Variants in ATP13A5 observed in about 807,000 individuals in gnomAD.
ATP13A5 encodes probable cation-transporting ATPase 13A5.
A neutral mutation model predicts 150.2 loss-of-function variants in ATP13A5; 149 were observed. The ratio of observed to expected loss-of-function variants is 0.99; its 90% CI spans 0.87 to 1.14. The LOEUF is 1.14. Ranked by LOEUF, ATP13A5 falls within the 50% of genes most tolerant of loss-of-function variation. The probability of loss-of-function intolerance (pLI) is 0.00; values close to 1 mark genes in which losing one functional copy is unlikely to be tolerated. For synonymous variants in ATP13A5, 497 were observed against 522.2 expected, an observed-to-expected ratio of 0.95 and a Z score of 0.66; for missense variants, 1,383 against 1,449.3, an observed-to-expected ratio of 0.95 and a Z score of 0.74.
In ATP13A5 at chr3:193,290,699, T is replaced by C. The variant is rs77169081; in HGVS notation, c.2849-640A>G. Among the ~76,000 whole-genome samples, 1,279 of 152,262 alleles carry C rather than the reference T, an allele frequency of 8.4e-3. 40 individuals are homozygous for C. Among genetic ancestry groups the C allele is most frequent in the Admixed American group, 0.049 (748 of 15,274 alleles). ...GCTTCTAGATGAGAGTGTTAAACTATATTGTATTTTTGATTTCAGGGCTTT... is the reference window on the plus strand; with the variant it reads ...GCTTCTAGATGAGAGTGTTAAACTACATTGTATTTTTGATTTCAGGGCTTT... On this transcript the variant is annotated intron_variant, in intron 25 of 29. Coordinates refer to ENST00000342358, the MANE Select transcript of ATP13A5 (RefSeq NM_198505.4).
intron 17 of ATP13A5, among the ~76,000 whole-genome samples, chr3:193,315,316 T>C (rs1023777098): frequency 6.6e-6 from 1 of 152,186 alleles, no homozygotes; most frequent in Non-Finnish European, 1.5e-5. Context: ...ATCTGTTTTT[T>C]CCAGTTTCCA....
At chr3:193,344,399 T>C (rs1712247084) in intron 8 of ATP13A5, among the ~76,000 whole-genome samples, 1 of 152,198 alleles carries the variant, frequency 6.6e-6, no homozygotes, top group African/African-American at 2.4e-5. Flanking sequence ...TGGTACACTT[T>C]GTCTTCTTGG....
At chr3:193,325,771 C>T (rs1719446216) in intron 13 of ATP13A5, among the ~76,000 whole-genome samples, 2 of 152,198 alleles carry the variant, frequency 1.3e-5, no homozygotes, top group Admixed American at 1.3e-4. Context: ...TTTGATAATA[C>T]AAACTGGTAT....
intron 5 of ATP13A5, among the ~76,000 whole-genome samples, chr3:193,356,172 T>C (rs1712780898): frequency 6.6e-6 from 1 of 152,170 alleles, no homozygotes; most frequent in Non-Finnish European, 1.5e-5. Flanking sequence ...CTACCCTGAC[T>C]CTTAATTCAG....
At chr3:193,308,102 T>C (rs764297734) in intron 21 of ATP13A5, among the ~76,000 whole-genome samples, 18 of 152,216 alleles carry the variant, frequency 1.2e-4, no homozygotes, top group Non-Finnish European at 2.1e-4. Flanking sequence ...AATAAAGTTT[T>C]GTTAGCGTTT....
At chr3:193,336,883 T>G (rs1296689406) in intron 9 of ATP13A5, among the ~76,000 whole-genome samples, 3 of 152,178 alleles carry the variant, frequency 2.0e-5, no homozygotes. Flanking sequence ...TTTCTCCACA[T>G]CCTCTCCAGC....
At chr3:193,350,001 A>C (rs1712503045) in intron 7 of ATP13A5, among the ~76,000 whole-genome samples, 1 of 152,090 alleles carries the variant, frequency 6.6e-6, no homozygotes, top group Non-Finnish European at 1.5e-5. Context: ...AGGGGAAATT[A>C]CTTTCAACAA....
At chr3:193,319,382 T>C (rs1485993516) in intron 16 of ATP13A5, among the ~76,000 whole-genome samples, 1 of 152,204 alleles carries the variant, frequency 6.6e-6, no homozygotes, top group Non-Finnish European at 1.5e-5. Context: ...TAATCTCTAA[T>C]GCAATAGTAT....
At chr3:193,284,330 TG>T (rs1182360798) in intron 27 of ATP13A5, among the ~76,000 whole-genome samples, 1 of 152,132 alleles carries the variant, frequency 6.6e-6, no homozygotes, top group Admixed American at 6.5e-5. Context: ...CAGCCTTAGC[TG>T]GGAGGACCTT....
In ATP13A5 at chr3:193,344,007, A is replaced by G. The variant is rs1342564249; in HGVS notation, c.863T>C (p.Ile288Thr). The change falls in exon 9 of 30, where the codon ATT (isoleucine) becomes ACT (threonine). Residue 288 changes from isoleucine (I) to threonine (T), a missense_variant. This residue lies in a region of ATP13A5 where 787 missense variants were observed against 771.9 expected (regional missense o/e 1.02). Transcript: ENST00000342358. ...TGGCAATGAAAATTTTCCTGGAAGA[A>G]TAAGAATGTCTCCGGGAACCAAGAG... ...SRLLVPGDIL[I>T]LPGKFSLPCD... 1.9e-6 allele frequency: 3 copies of G among 1,613,362 alleles called. No homozygotes were observed. The highest frequency in any genetic ancestry group is 2.2e-5 in the East Asian group (1 of 44,842).
Position 193,354,133 on chromosome 3 carries a change from A to G in ATP13A5, c.600T>C (p.Val200=). 1 of 1,606,762 alleles carries G rather than the reference A, an allele frequency of 6.2e-7. No individual in the cohort carries two copies. Among genetic ancestry groups the G allele is most frequent in the Non-Finnish European group, 8.5e-7 (1 of 1,178,088 alleles). Residue 200 remains valine (V), a synonymous_variant, in exon 6 of 30, where the codon GTT becomes GTC. Coordinates refer to ENST00000342358, the MANE Select transcript of ATP13A5 (RefSeq NM_198505.4). ...VEIQPIWKLL[V]KQVLNPFYVF... ...AAGAAAAGAAAACAGTTACCTGTTTAACAAGCAGCTTCCATATGGGTTGGA... is the reference window on the plus strand; with the variant it reads ...AAGAAAAGAAAACAGTTACCTGTTTGACAAGCAGCTTCCATATGGGTTGGA...
At chr3:193,360,928 T>A (rs1354068472) in intron 5 of ATP13A5, among the ~76,000 whole-genome samples, 1 of 152,150 alleles carries the variant, frequency 6.6e-6, no homozygotes, top group Non-Finnish European at 1.5e-5. Context: ...CCACCCGCCT[T>A]GGCCTCCCAA....
At chr3:193,293,768 G>A (rs1471188396) in intron 25 of ATP13A5, among the ~76,000 whole-genome samples, 1 of 152,060 alleles carries the variant, frequency 6.6e-6, no homozygotes, top group Admixed American at 6.6e-5. Context: ...TTTCTAAGAT[G>A]AAATGGTTTG....
rs537946414 is a variant in ATP13A5, at chr3:193,316,528, G to A, written c.2034-1432C>T. 1.3e-3 allele frequency among the ~76,000 whole-genome samples: 197 copies of A among 152,212 alleles called. 1 individual carries two copies. The highest frequency in any genetic ancestry group is 4.3e-3 in the African/African-American group (178 of 41,542). ...CAAATAGCCATCCTTACAGGTATGA[G>A]GTGGTATTTCATTGTGGTTTTGATT... On this transcript the variant is annotated intron_variant, in intron 17 of 29. Transcript: ENST00000342358.
chr3:193,283,419 GA>G (rs5855477), intron 27 of ATP13A5, among the ~76,000 whole-genome samples: 136,042 of 152,056 alleles, frequency 0.89, 61,081 homozygotes, highest in East Asian at 0.98. Context: ...CAATCCAACA[GA>G]AAAAAAATAA....
intron 1 of ATP13A5, among the ~76,000 whole-genome samples, chr3:193,377,065 A>G (rs1713670311): frequency 6.6e-6 from 1 of 152,254 alleles, no homozygotes; most frequent in South Asian, 2.1e-4. Flanking sequence ...TAATCCTATG[A>G]TACCAATGTC....
At chr3:193,346,967 T>C (rs991971477) in intron 7 of ATP13A5, among the ~76,000 whole-genome samples, 9 of 152,082 alleles carry the variant, frequency 5.9e-5, no homozygotes, top group Non-Finnish European at 8.8e-5. Context: ...GATTTCTGAG[T>C]CGTAGGTCAG....
Position 193,311,905 on chromosome 3 carries a change from G to A in ATP13A5, c.2356C>T (p.Arg786Cys), listed in dbSNP as rs756017635. 4.3e-6 allele frequency: 7 copies of A among 1,613,732 alleles called. No homozygotes were observed. The East Asian group carries it at 6.7e-5, about 15-fold the overall frequency. The change falls in exon 20 of 30, where the codon CGT (arginine) becomes TGT (cysteine). Residue 786 changes from arginine to cysteine, a missense_variant. Physicochemically the swap from Arg to Cys is radical, Grantham distance 180 (BLOSUM62 -3). Transcript: ENST00000342358. ...TGGTAACAGCTTCCTCCTTCCCCAC[G>A]AGGGGTTGAACTGTTTCCAGTATGC... ...YMHTGNSSTP[R>C]GEGGSCYHFA...
At chr3:193,297,735 G>A (rs1353367333) in intron 25 of ATP13A5, among the ~76,000 whole-genome samples, 1 of 152,020 alleles carries the variant, frequency 6.6e-6, no homozygotes, top group Non-Finnish European at 1.5e-5. Context: ...CTACCAACTG[G>A]CATGAGGCTC....
Sources: gnomAD v4.1 joint callset for allele counts (sites outside exome capture counted in the v4.1 genomes callset) on GRCh38, gnomAD v4.1.1 for gene constraint, gnomAD v4.1.1 regional missense constraint, MANE v1.5 for transcripts, NCBI Gene and HGNC (gene_info 2026-07-23, HGNC 2026-07-21) for gene names.